Variants in TNIP1 observed in about 807,000 individuals in gnomAD.
The protein encoded by TNIP1 is TNFAIP3-interacting protein 1.
In TNIP1, 22 loss-of-function variants were observed where a neutral mutation model predicts 86.6. That is an observed-to-expected ratio of 0.25 (90% CI 0.18 to 0.36). The LOEUF (loss-of-function observed/expected upper bound fraction) is 0.36. Among genes scored for constraint, TNIP1 ranks in the 10% least tolerant of loss-of-function variants. The probability of loss-of-function intolerance (pLI) is 1.00; values close to 1 mark genes in which losing one functional copy is unlikely to be tolerated. For synonymous variants in TNIP1, 294 were observed against 313.0 expected (o/e 0.94, Z 0.64); for missense variants, 709 against 820.6 (o/e 0.86, Z 1.66).
intron 1 of TNIP1, among the ~76,000 whole-genome samples, chr5:151,075,261 G>C (rs1020053829): frequency 3.3e-5 from 5 of 152,214 alleles, no homozygotes; most frequent in Admixed American, 6.5e-5. Flanking sequence ...AACCAGATGA[G>C]TGAGCATGTA....
At chr5:151,042,400 T>C (rs1175305844) in intron 11 of TNIP1, 140 bp downstream of exon 11, 1 of 1,068,190 alleles carries the variant, frequency 9.4e-7, no homozygotes, top group Admixed American at 2.4e-5. Flanking sequence ...GGAAGGAACG[T>C]GCCTGTGTTT....
chr5:151,066,699 C>T (rs903288820), intron 1 of TNIP1, among the ~76,000 whole-genome samples: 4 of 152,202 alleles, frequency 2.6e-5, no homozygotes, highest in Admixed American at 6.5e-5. Flanking sequence ...ATCTCATCTG[C>T]ATTTTACAAG....
chr5:151,048,556 C>A (rs1759482423), intron 8 of TNIP1, among the ~76,000 whole-genome samples: 1 of 152,148 alleles, frequency 6.6e-6, no homozygotes, highest in African/African-American at 2.4e-5. Context: ...AGACAGGTGA[C>A]CCTGGGGCAC....
chr5:151,047,871 C>T (rs1759382828), intron 8 of TNIP1, among the ~76,000 whole-genome samples: 1 of 152,054 alleles, frequency 6.6e-6, no homozygotes, highest in African/African-American at 2.4e-5. Flanking sequence ...GTCTGCAGGC[C>T]CCATCCGGAC....
At chr5:151,042,432 A>C in intron 11 of TNIP1, 108 bp downstream of exon 11, 1 of 1,487,408 alleles carries the variant, frequency 6.7e-7, no homozygotes, top group Non-Finnish European at 9.1e-7. Context: ...GCTCTTTCGC[A>C]CTAGACCCCC....
At chr5:151,084,409 C>G (rs887183159), upstream of TNIP1, among the ~76,000 whole-genome samples, 1 of 149,252 alleles carries the variant, frequency 6.7e-6, no homozygotes, top group Admixed American at 6.7e-5. Flanking sequence ...CGCGCCATTG[C>G]ACTCCAGCCT....
intron 1 of TNIP1, among the ~76,000 whole-genome samples, chr5:151,076,344 G>T (rs1406833750): frequency 6.6e-6 from 1 of 152,178 alleles, no homozygotes; most frequent in Non-Finnish European, 1.5e-5. Context: ...GCAGGCATGT[G>T]GGGGCATAGC....
chr5:151,048,987 GC>G (rs1367045704), intron 8 of TNIP1, among the ~76,000 whole-genome samples: 1 of 152,142 alleles, frequency 6.6e-6, no homozygotes, highest in African/African-American at 2.4e-5. Flanking sequence ...TCCCAGCCTT[GC>G]CTACTCTATA....
At chr5:151,045,972 C>A (rs1759112240) in intron 8 of TNIP1, 22 bp from the exon 9 acceptor site, 1 of 1,610,568 alleles carries the variant, frequency 6.2e-7, no homozygotes, top group African/African-American at 1.3e-5. Flanking sequence ...CACAGAGGAG[C>A]CTTCACCAAA....
At chr5:151,036,974 C>G in intron 12 of TNIP1, 53 bp from the exon 13 acceptor site, 1 of 1,530,410 alleles carries the variant, frequency 6.5e-7, no homozygotes, top group Non-Finnish European at 8.8e-7. Context: ...AAATCAGGGC[C>G]CTTTGGAGGG....
chr5:151,085,686 G>A (rs4958883), upstream of TNIP1, among the ~76,000 whole-genome samples: 78,425 of 151,964 alleles, frequency 0.52, 20,899 homozygotes, highest in East Asian at 0.73. Context: ...CCCCACTCCA[G>A]CGTCTCTCCC....
chr5:151,059,856 TGTGTGTGTGTGCGCGCGCGCGC>T (rs1311873005), intron 5 of TNIP1, among the ~76,000 whole-genome samples: 1,303 of 99,764 alleles, frequency 0.013, 29 homozygotes, highest in African/African-American at 0.052. Context: ...TGTGTGTGTG[TGTGTGTGTGTGCGCGCGCGCGC>T]GCGCATGCGT....
intron 1 of TNIP1, among the ~76,000 whole-genome samples, chr5:151,069,749 G>A (rs554634941): frequency 3.5e-4 from 53 of 152,298 alleles, no homozygotes; most frequent in African/African-American, 1.3e-3. Context: ...GCACAGAACA[G>A]AACGTCAGAG....
chr5:151,052,081 T>G, intron 7 of TNIP1, 84 bp downstream of exon 7: 2 of 1,305,018 alleles, frequency 1.5e-6, no homozygotes, highest in Non-Finnish European at 2.2e-6. Context: ...GCCACGGTCC[T>G]CAACCCAGAA....
At chr5:151,069,868 G>A (rs1436161390) in intron 1 of TNIP1, among the ~76,000 whole-genome samples, 1 of 152,226 alleles carries the variant, frequency 6.6e-6, no homozygotes, top group Non-Finnish European at 1.5e-5. Flanking sequence ...GCTAAAGCTG[G>A]CCTCAGGATC....
intron 3 of TNIP1, 98 bp downstream of exon 3, chr5:151,063,515 G>C: frequency 6.6e-7 from 1 of 1,519,968 alleles, no homozygotes. Flanking sequence ...GGATAAACGA[G>C]AGAATGTGGG....
intron 6 of TNIP1, among the ~76,000 whole-genome samples, chr5:151,052,477 T>A (rs1760075678): frequency 6.6e-6 from 1 of 152,212 alleles, no homozygotes; most frequent in African/African-American, 2.4e-5. Context: ...TGACCAAGTA[T>A]CAGCCATGGG....
chr5:151,060,337 C>T lies in TNIP1; in HGVS notation c.416G>A (p.Ser139Asn). The change falls in exon 5 of 18, where the codon AGC becomes AAC. Residue 139 changes from serine to asparagine, a missense_variant. Physicochemically the swap from Ser to Asn is conservative, Grantham distance 46 (BLOSUM62 1). Transcript: ENST00000521591. ...ACTCACCATCGCATTGGCATGGCTG[C>T]TGCTCTCTGGTGAATTCTGCTCCTC... ...TPEEQNSPES[S>N]SHANAMALGP... The T allele has an allele frequency of 1.2e-6, 2 of 1,614,174 alleles. No homozygotes were observed. Among genetic ancestry groups the T allele is most frequent in the South Asian group, 2.2e-5 (2 of 91,090 alleles).
chr5:151,083,305 G>T (rs1027672324), upstream of TNIP1, among the ~76,000 whole-genome samples: 1 of 152,228 alleles, frequency 6.6e-6, no homozygotes, highest in Non-Finnish European at 1.5e-5. Context: ...TCAGCACACA[G>T]TAGGCATTCA....
Sources: gnomAD v4.1 joint callset for allele counts (sites outside exome capture counted in the v4.1 genomes callset) on GRCh38, gnomAD v4.1.1 for gene constraint, MANE v1.5 for transcripts, NCBI Gene and HGNC (gene_info 2026-07-23, HGNC 2026-07-21) for gene names.